The following ADAMTS9 variants were observed in gnomAD, a reference collection of about 807,000 sequenced individuals.
The protein encoded by ADAMTS9 is A disintegrin and metalloproteinase with thrombospondin motifs 9.
In ADAMTS9, 107 loss-of-function variants were observed where a neutral mutation model predicts 257.1. The ratio of observed to expected loss-of-function variants is 0.42; its 90% CI spans 0.36 to 0.49. The LOEUF is 0.49. ADAMTS9 is among the 20% of genes least tolerant of loss of function. The pLI, the probability that ADAMTS9 is intolerant of heterozygous loss-of-function variation, is 0.03. For synonymous variants in ADAMTS9, 982 were observed against 880.9 expected, an observed-to-expected ratio of 1.11 and a Z score of -2.03; for missense variants, 2,353 against 2,469.1, an observed-to-expected ratio of 0.95 and a Z score of 1.00.
chr3:64,553,741 T>G (rs2083297724), intron 30 of ADAMTS9, among the ~76,000 whole-genome samples: 1 of 152,110 alleles, frequency 6.6e-6, no homozygotes, highest in Non-Finnish European at 1.5e-5. Flanking sequence ...GAGTCAGTCC[T>G]CATTTTTCTG....
At chr3:64,518,243 A>C (rs930121024) in intron 39 of ADAMTS9, among the ~76,000 whole-genome samples, 11 of 152,304 alleles carry the variant, frequency 7.2e-5, no homozygotes, top group African/African-American at 2.2e-4. Flanking sequence ...TACTTCTTGG[A>C]TATCTCAGTT....
intron 3 of ADAMTS9, among the ~76,000 whole-genome samples, chr3:64,666,612 A>G (rs1352766392): frequency 6.6e-6 from 1 of 151,666 alleles, no homozygotes; most frequent in African/African-American, 2.4e-5. Flanking sequence ...CCTTCTTTAA[A>G]GCCTCAGTTT....
chr3:64,592,444 C>G (rs565115250), intron 28 of ADAMTS9: 4 of 152,200 alleles, frequency 2.6e-5, no homozygotes, highest in African/African-American at 9.6e-5. Context: ...CAATAATTAG[C>G]AGTTCATGTT....
At chr3:64,526,689 C>A (rs542376403) in intron 38 of ADAMTS9, among the ~76,000 whole-genome samples, 1 of 152,352 alleles carries the variant, frequency 6.6e-6, no homozygotes, top group South Asian at 2.1e-4. Context: ...CTGAATCAGA[C>A]TGCCTGGAGC....
intron 37 of ADAMTS9, among the ~76,000 whole-genome samples, chr3:64,536,305 T>A (rs527872517): frequency 3.9e-5 from 6 of 152,342 alleles, no homozygotes; most frequent in African/African-American, 1.4e-4. Flanking sequence ...GACCTAATGT[T>A]CTTTCTGGCT....
At chr3:64,680,530 C>G (rs536732099) in intron 3 of ADAMTS9, among the ~76,000 whole-genome samples, 1 of 152,040 alleles carries the variant, frequency 6.6e-6, no homozygotes, top group Non-Finnish European at 1.5e-5. Flanking sequence ...TCCAGGGTGC[C>G]CAGAATGACA....
At chr3:64,572,573 G>A (rs575264783) in intron 28 of ADAMTS9, among the ~76,000 whole-genome samples, 37 of 152,266 alleles carry the variant, frequency 2.4e-4, no homozygotes, top group Non-Finnish European at 4.6e-4. Flanking sequence ...TGAATGAGAA[G>A]GGCTGGAGAA....
At chr3:64,654,666 C>A in intron 6 of ADAMTS9, 54 bp from the exon 7 acceptor site, 2 of 1,588,316 alleles carry the variant, frequency 1.3e-6, no homozygotes, top group East Asian at 2.2e-5. Flanking sequence ...AATGTCAATA[C>A]AAGTAAATAC....
intron 11 of ADAMTS9, among the ~76,000 whole-genome samples, chr3:64,646,858 A>G (rs889030048): frequency 6.6e-6 from 1 of 152,044 alleles, no homozygotes; most frequent in Admixed American, 6.5e-5. Context: ...GAGGGTGGGG[A>G]GGGGCTGCAC....
chr3:64,639,921 A>C (rs1315510005), intron 12 of ADAMTS9, among the ~76,000 whole-genome samples: 1 of 152,186 alleles, frequency 6.6e-6, no homozygotes. Flanking sequence ...GAAAAGTCTG[A>C]AATGACACAC....
Position 64,522,268 on chromosome 3 carries a change from G to A in ADAMTS9, c.5719-8C>T. The A allele has an allele frequency of 6.2e-7, 1 of 1,613,514 alleles. No individual in the cohort carries two copies. The highest frequency in any genetic ancestry group is 8.5e-7 in the Non-Finnish European group (1 of 1,179,530). ...TACGACTCGGGTACCATCCTGCAAG[G>A]AGATGCATCATGTTAGCCTGCCTGC... On this transcript the variant is annotated splice_region_variant and splice_polypyrimidine_tract_variant and intron_variant, in intron 38 of 39. Coordinates refer to ENST00000498707, the MANE Select transcript of ADAMTS9 (RefSeq NM_182920.2).
chr3:64,673,618 G>T, intron 3 of ADAMTS9, among the ~76,000 whole-genome samples: 1 of 152,108 alleles, frequency 6.6e-6, no homozygotes, highest in East Asian at 1.9e-4. Flanking sequence ...GCATTTTGGG[G>T]ACAATGAGAA....
At chr3:64,682,566 C>T (rs1221334847) in intron 2 of ADAMTS9, among the ~76,000 whole-genome samples, 2 of 152,222 alleles carry the variant, frequency 1.3e-5, no homozygotes. Context: ...AGAAATCAAG[C>T]TCCACTCTTC....
At chr3:64,561,145 G>T (rs1219737032) in intron 30 of ADAMTS9, among the ~76,000 whole-genome samples, 1 of 150,552 alleles carries the variant, frequency 6.6e-6, no homozygotes, top group East Asian at 2.0e-4. Flanking sequence ...CTACCTGACA[G>T]CCAAAGTCAT....
chr3:64,616,216 T>G, intron 19 of ADAMTS9, 46 bp from the exon 20 acceptor site: 1 of 1,594,392 alleles, frequency 6.3e-7, no homozygotes, highest in Non-Finnish European at 8.6e-7. Context: ...GTTAAAAATA[T>G]ATGCCTTATC....
intron 14 of ADAMTS9, among the ~76,000 whole-genome samples, chr3:64,632,861 G>C (rs1700403431): frequency 1.3e-5 from 2 of 150,852 alleles, no homozygotes; most frequent in Admixed American, 1.3e-4. Flanking sequence ...AAAACAACCA[G>C]AGGCATCATC....
At chr3:64,639,689 T>C (rs1240564435) in intron 12 of ADAMTS9, among the ~76,000 whole-genome samples, 2 of 152,182 alleles carry the variant, frequency 1.3e-5, no homozygotes, top group Admixed American at 1.3e-4. Context: ...TATAAACTAA[T>C]AACTTTGCTC....
intron 28 of ADAMTS9, among the ~76,000 whole-genome samples, chr3:64,577,337 C>A (rs1433570226): frequency 6.6e-6 from 1 of 152,124 alleles, no homozygotes; most frequent in African/African-American, 2.4e-5. Context: ...TTTTGTAGGA[C>A]TTCTTTTCCC....
chr3:64,573,240 G>A (rs1395395205), intron 28 of ADAMTS9, among the ~76,000 whole-genome samples: 1 of 152,204 alleles, frequency 6.6e-6, no homozygotes, highest in South Asian at 2.1e-4. Flanking sequence ...CCCTAGCACA[G>A]TGTCTGGGCA....
Sources: allele counts gnomAD v4.1 joint callset (sites outside exome capture counted in the v4.1 genomes callset), GRCh38; gene constraint gnomAD v4.1.1; transcripts MANE v1.5; gene names NCBI Gene and HGNC (gene_info 2026-07-23, HGNC 2026-07-21).